EYS: variants seen among roughly 807,000 people sequenced by gnomAD.
The protein encoded by EYS is EGF-like photoreceptor maintenance factor.
A neutral mutation model predicts 282.1 loss-of-function variants in EYS; 250 were observed. The ratio of observed to expected loss-of-function variants is 0.89; its 90% CI spans 0.80 to 0.98. The LOEUF (loss-of-function observed/expected upper bound fraction) is 0.98, where lower values mean the gene tolerates loss of function less well. Ranked by LOEUF, EYS falls within the 50% of genes least tolerant of loss-of-function variation. The pLI is 0.00. For missense variants in EYS, 4,016 were observed against 3,709.0 expected, an observed-to-expected ratio of 1.08 and a Z score of -2.15; for synonymous variants, 1,355 against 1,282.9, an observed-to-expected ratio of 1.06 and a Z score of -1.20.
At chr6:65,342,488 C>T (rs1446431848) in intron 10 of EYS, among the ~76,000 whole-genome samples, 3 of 150,578 alleles carry the variant, frequency 2.0e-5, no homozygotes, top group South Asian at 4.2e-4. Flanking sequence ...AGAACTTACA[C>T]AGATATTTAA....
intron 15 of EYS, among the ~76,000 whole-genome samples, chr6:64,932,438 A>C (rs543127206): frequency 1.3e-5 from 2 of 152,198 alleles, no homozygotes; most frequent in South Asian, 4.1e-4. Flanking sequence ...GCTTAATATC[A>C]CAGTGTTTGA....
At chr6:64,176,741 T>A (rs1231686605) in intron 31 of EYS, among the ~76,000 whole-genome samples, 1 of 152,084 alleles carries the variant, frequency 6.6e-6, no homozygotes, top group Non-Finnish European at 1.5e-5. Context: ...TCTCTCAAAG[T>A]CAATTTGTTT....
chr6:64,361,032 C>T (rs1400481823), intron 29 of EYS, among the ~76,000 whole-genome samples: 1 of 151,614 alleles, frequency 6.6e-6, no homozygotes, highest in African/African-American at 2.4e-5. Context: ...GAGAAACAAA[C>T]ATGCTGTAGG....
At position 65,149,167 on chromosome 6, in the gene EYS, GAAAATGGGTTTTTCTTTTCA is replaced by G. The variant is rs375290261; in HGVS notation, c.2024-91460_2024-91441del. ...TGTAGTAGGCTTGAATTTCTCCTCA[GAAAATGGGTTTTTCTTTTCA>G]ATTGCATCATCAGGCTGCAAATTTT... is the stretch of plus-strand genomic sequence containing the variant. On this transcript the variant is annotated intron_variant, in intron 12 of 42. Transcript: ENST00000503581. 1.4e-3 allele frequency among the ~76,000 whole-genome samples: 217 copies of G among 152,180 alleles called. 3 individuals carry two copies. The highest frequency in any genetic ancestry group is 4.6e-3 in the African/African-American group (193 of 41,540).
At chr6:64,207,026 C>T (rs955340273) in intron 31 of EYS, among the ~76,000 whole-genome samples, 4 of 151,978 alleles carry the variant, frequency 2.6e-5, no homozygotes, top group Admixed American at 1.3e-4. Flanking sequence ...TCTATGTGTC[C>T]ATGTGTCCTC....
intron 2 of EYS, among the ~76,000 whole-genome samples, chr6:65,594,811 T>C (rs1206113864): frequency 6.6e-6 from 1 of 152,136 alleles, no homozygotes; most frequent in Non-Finnish European, 1.5e-5. Context: ...AACATTTAAG[T>C]CTTTAATCCA....
chr6:64,902,661 G>A (rs773553446), intron 16 of EYS, among the ~76,000 whole-genome samples, 161 bp from the exon 17 acceptor site: 15 of 152,060 alleles, frequency 9.9e-5, no homozygotes, highest in Admixed American at 3.9e-4. Context: ...TTCACATAAT[G>A]TGTGCATAAA....
At chr6:64,443,818 G>GT (rs1020646030) in intron 26 of EYS, among the ~76,000 whole-genome samples, 1 of 152,082 alleles carries the variant, frequency 6.6e-6, no homozygotes, top group Non-Finnish European at 1.5e-5. Context: ...ATGTGGAACT[G>GT]TAAGTCCAAT....
chr6:65,557,548 G>A (rs1225692897), intron 2 of EYS, among the ~76,000 whole-genome samples: 2 of 152,196 alleles, frequency 1.3e-5, no homozygotes, highest in Non-Finnish European at 2.9e-5. Flanking sequence ...GCCCCAAAGA[G>A]GGTGTTACAA....
chr6:64,732,238 A>ATG (rs762808355), intron 22 of EYS, among the ~76,000 whole-genome samples: 7,063 of 151,948 alleles, frequency 0.046, 219 homozygotes, highest in East Asian at 0.18. Flanking sequence ...GCAGCAAACC[A>ATG]CCGTGGCACG....
intron 22 of EYS, among the ~76,000 whole-genome samples, chr6:64,647,370 C>G (rs1768391838): frequency 6.6e-6 from 1 of 152,120 alleles, no homozygotes; most frequent in Non-Finnish European, 1.5e-5. Flanking sequence ...AGAGACAGAG[C>G]TAGCTATACT....
intron 2 of EYS, among the ~76,000 whole-genome samples, chr6:65,563,192 C>T (rs1769131725): frequency 6.6e-6 from 1 of 152,022 alleles, no homozygotes; most frequent in South Asian, 2.1e-4. Flanking sequence ...TCTCCAGCTT[C>T]CTAGTTTAGT....
At chr6:65,192,045 T>A (rs1039864015) in intron 12 of EYS, among the ~76,000 whole-genome samples, 1 of 151,712 alleles carries the variant, frequency 6.6e-6, no homozygotes, top group African/African-American at 2.4e-5. Context: ...ATGGCCAATG[T>A]AAGGAAAGAA....
intron 12 of EYS, among the ~76,000 whole-genome samples, chr6:65,182,242 C>T (rs1765406919): frequency 1.3e-5 from 2 of 150,238 alleles, no homozygotes; most frequent in Admixed American, 1.3e-4. Flanking sequence ...AAAAACAAAT[C>T]CAACTTTAAA....
At chr6:65,089,061 G>A (rs1000501919) in intron 12 of EYS, among the ~76,000 whole-genome samples, 2 of 152,164 alleles carry the variant, frequency 1.3e-5, no homozygotes, top group Non-Finnish European at 2.9e-5. Context: ...ATGCCTAGAT[G>A]TCCAGGCAGA....
At chr6:65,193,700 T>C (rs1251333660) in intron 12 of EYS, among the ~76,000 whole-genome samples, 1 of 151,648 alleles carries the variant, frequency 6.6e-6, no homozygotes, top group East Asian at 2.0e-4. Context: ...TCTGCCTCTA[T>C]CTAGTATATT....
intron 26 of EYS, among the ~76,000 whole-genome samples, chr6:64,582,599 T>TG (rs398038665): frequency 6.0e-5 from 9 of 150,358 alleles, no homozygotes; most frequent in Admixed American, 2.0e-4. Flanking sequence ...TTTTTTTTTT[T>TG]GCTTGCTATT....
At chr6:64,918,619 A>G (rs1333862048) in intron 15 of EYS, among the ~76,000 whole-genome samples, 1 of 152,180 alleles carries the variant, frequency 6.6e-6, no homozygotes, top group East Asian at 1.9e-4. Context: ...AAAGTACATC[A>G]AATTTGAGAT....
chr6:64,364,718 A>G (rs1341347847), intron 29 of EYS, among the ~76,000 whole-genome samples: 1 of 150,610 alleles, frequency 6.6e-6, no homozygotes, highest in East Asian at 2.0e-4. Context: ...CTGTACAATT[A>G]GAGTGGAATA....
Sources: allele counts gnomAD v4.1 joint callset (sites outside exome capture counted in the v4.1 genomes callset), GRCh38; gene constraint gnomAD v4.1.1; transcripts MANE v1.5; gene names NCBI Gene and HGNC (gene_info 2026-07-23, HGNC 2026-07-21).